The following RIPOR2 variants were observed in gnomAD, a reference collection of about 807,000 sequenced individuals.
RIPOR2 encodes the protein rho family-interacting cell polarization regulator 2.
A neutral mutation model predicts 114.5 loss-of-function variants in RIPOR2; 39 were observed. That is an observed-to-expected ratio of 0.34 (90% CI 0.26 to 0.44). The LOEUF is 0.44. RIPOR2 is among the 20% of genes least tolerant of loss of function. The pLI is 1.00. For missense variants in RIPOR2, 1,007 were observed against 1,255.1 expected (o/e 0.80, Z 2.99); for synonymous variants, 445 against 484.4 (o/e 0.92, Z 1.07).
In RIPOR2 at chr6:24,825,436, G is replaced by A. The variant is rs181903522; in HGVS notation, c.2666-8C>T. ...GAGTCTGAACCATGGAAACTGGAGG[G>A]TAAGAAGGAAGGAGATTTCATGTTC... On this transcript the variant is annotated splice_polypyrimidine_tract_variant and splice_region_variant and intron_variant, in intron 18 of 21. Coordinates refer to ENST00000643898, the MANE Select transcript of RIPOR2 (RefSeq NM_001286445.3). The A allele has an allele frequency of 6.5e-7, 1 of 1,546,340 alleles. No individual in the cohort carries two copies. Among genetic ancestry groups the A allele is most frequent in the East Asian group, 2.4e-5 (1 of 40,906 alleles).
chr6:24,964,048 C>A (rs536945598), intron 1 of RIPOR2, among the ~76,000 whole-genome samples: 1 of 151,896 alleles, frequency 6.6e-6, no homozygotes, highest in Non-Finnish European at 1.5e-5. Context: ...CTCACCACCA[C>A]CTGGCTCTAA....
chr6:24,818,935 C>T (rs1296716600), intron 19 of RIPOR2, among the ~76,000 whole-genome samples: 2 of 151,594 alleles, frequency 1.3e-5, no homozygotes, highest in African/African-American at 2.4e-5. Context: ...AACCAAGTAA[C>T]GAGGAAGGCA....
At chr6:24,877,827 G>T (rs527785654) in intron 1 of RIPOR2, among the ~76,000 whole-genome samples, 1 of 152,134 alleles carries the variant, frequency 6.6e-6, no homozygotes, top group African/African-American at 2.4e-5. Context: ...GGGTTGGACC[G>T]CACAGTCTAA....
intron 1 of RIPOR2, among the ~76,000 whole-genome samples, chr6:24,957,868 T>G (rs1007877032): frequency 2.0e-5 from 3 of 152,094 alleles, no homozygotes; most frequent in African/African-American, 4.8e-5. Context: ...GAGCGAAGAC[T>G]CCGTCTCAAA....
intron 1 of RIPOR2, among the ~76,000 whole-genome samples, chr6:24,935,340 A>G (rs953633838): frequency 2.7e-5 from 4 of 146,994 alleles, no homozygotes; most frequent in South Asian, 2.2e-4. Flanking sequence ...AAAAAAAAAA[A>G]AGAGAAGGAC....
Position 24,933,241 on chromosome 6 carries a change from A to G in RIPOR2, c.61+2597T>C, listed in dbSNP as rs181455221. Among the ~76,000 whole-genome samples, 790 of 152,346 alleles carry G rather than the reference A, an allele frequency of 5.2e-3. 6 individuals carry two copies. Among genetic ancestry groups the G allele is most frequent in the Non-Finnish European group, 8.2e-3 (558 of 68,032 alleles). Reference sequence around the variant, plus strand: ...TTTTGTAAATAGACAATAGGGATTCATATGTATTAAGTACTGACCACTATT... The same window carrying G: ...TTTTGTAAATAGACAATAGGGATTCGTATGTATTAAGTACTGACCACTATT... On this transcript the variant is annotated intron_variant, in intron 1 of 21. Coordinates refer to ENST00000643898, the MANE Select transcript of RIPOR2 (RefSeq NM_001286445.3).
chr6:25,026,122 A>C (rs547709707), intron 1 of RIPOR2, among the ~76,000 whole-genome samples: 1 of 152,166 alleles, frequency 6.6e-6, no homozygotes, highest in Non-Finnish European at 1.5e-5. Flanking sequence ...TTTATAAATG[A>C]ATGCTACTCA....
At chr6:24,828,459 T>C (rs1262887551) in intron 17 of RIPOR2, among the ~76,000 whole-genome samples, 164 bp from the exon 18 acceptor site, 2 of 152,154 alleles carry the variant, frequency 1.3e-5, no homozygotes, top group Admixed American at 1.3e-4. Flanking sequence ...CTGCCTCAGT[T>C]TCCCAAGTAG....
chr6:24,982,293 G>C, intron 1 of RIPOR2, among the ~76,000 whole-genome samples: 1 of 152,172 alleles, frequency 6.6e-6, no homozygotes, highest in East Asian at 1.9e-4. Context: ...AGTTTTGTTT[G>C]GTTGTTCTAC....
chr6:24,839,555 T>C, intron 13 of RIPOR2: 1 of 1,452,778 alleles, frequency 6.9e-7, no homozygotes, highest in Non-Finnish European at 9.4e-7. Flanking sequence ...CTGAGGAGGT[T>C]GAGGGATGGG....
intron 13 of RIPOR2, among the ~76,000 whole-genome samples, chr6:24,841,794 T>G (rs1294177297): frequency 6.6e-6 from 1 of 151,516 alleles, no homozygotes; most frequent in Non-Finnish European, 1.5e-5. Flanking sequence ...ATTTTTGTAT[T>G]TTTTGTAGAG....
chr6:24,930,658 T>C (rs1771316344), intron 1 of RIPOR2, among the ~76,000 whole-genome samples: 1 of 152,236 alleles, frequency 6.6e-6, no homozygotes, highest in Non-Finnish European at 1.5e-5. Context: ...CATGAATTAC[T>C]GTGGGGAGGT....
At chr6:24,907,616 T>C (rs1440006552) in intron 1 of RIPOR2, among the ~76,000 whole-genome samples, 1 of 152,136 alleles carries the variant, frequency 6.6e-6, no homozygotes, top group Non-Finnish European at 1.5e-5. Flanking sequence ...AGAGGACATG[T>C]GAGGGTTTCA....
At chr6:24,961,816 G>A (rs562604052) in intron 1 of RIPOR2, among the ~76,000 whole-genome samples, 2 of 152,042 alleles carry the variant, frequency 1.3e-5, no homozygotes, top group South Asian at 2.1e-4. Flanking sequence ...TAGTAGAGAT[G>A]GGGTTTTCCC....
At position 24,951,088 on chromosome 6, in the gene RIPOR2, A is replaced by T. The variant is rs532919093; in HGVS notation, c.77-75271T>A. On this transcript the variant is annotated intron_variant, in intron 1 of 13. Transcript: ENST00000510784. ...GATTTCCAGAAGTTCTCTAGGCAAG[A>T]GCGATCAGAGACTTTAGAAGTTCAT... Among the ~76,000 whole-genome samples the T allele has an allele frequency of 5.9e-5, 9 of 152,342 alleles. No individual in the cohort carries two copies. The South Asian group carries it at 1.9e-3, about 32-fold the overall frequency.
intron 2 of RIPOR2, among the ~76,000 whole-genome samples, chr6:24,875,353 C>T (rs1581679971): frequency 1.3e-5 from 2 of 152,304 alleles, no homozygotes; most frequent in East Asian, 3.9e-4. Flanking sequence ...GAATCATTAT[C>T]CACTGCATGA....
At chr6:25,022,531 CATTTTTT>C (rs1776374057) in intron 1 of RIPOR2, among the ~76,000 whole-genome samples, 5 of 64,506 alleles carry the variant, frequency 7.8e-5, no homozygotes, top group Non-Finnish European at 1.4e-4. Flanking sequence ...TGGTACCTTC[CATTTTTT>C]TTTTTTTTTT....
At chr6:24,980,266 C>T (rs907501024) in intron 1 of RIPOR2, among the ~76,000 whole-genome samples, 24 of 152,146 alleles carry the variant, frequency 1.6e-4, no homozygotes, top group African/African-American at 5.6e-4. Flanking sequence ...TCAGAAATTA[C>T]AAAGCAATAA....
At chr6:24,995,451 A>G (rs1481804900) in intron 1 of RIPOR2, among the ~76,000 whole-genome samples, 1 of 151,988 alleles carries the variant, frequency 6.6e-6, no homozygotes, top group African/African-American at 2.4e-5. Flanking sequence ...GGGAGGGAGG[A>G]CTCTGGACAG....
Sources: allele counts gnomAD v4.1 joint callset (sites outside exome capture counted in the v4.1 genomes callset), GRCh38; gene constraint gnomAD v4.1.1; transcripts MANE v1.5; gene names NCBI Gene and HGNC (gene_info 2026-07-23, HGNC 2026-07-21).